EARS2: variants seen among roughly 807,000 people sequenced by gnomAD.
EARS2 encodes nondiscriminating glutamyl-tRNA synthetase EARS2, mitochondrial.
Under a neutral mutation model 54.1 loss-of-function variants are expected in EARS2, and 50 were observed. That is an observed-to-expected ratio of 0.92 (90% CI 0.74 to 1.17). The LOEUF (loss-of-function observed/expected upper bound fraction) is 1.17, where lower values mean the gene tolerates loss of function less well. Among genes scored for constraint, EARS2 ranks in the 50% most tolerant of loss-of-function variants. The probability of loss-of-function intolerance (pLI) is 0.00; values close to 1 mark genes in which losing one functional copy is unlikely to be tolerated. For synonymous variants in EARS2, 298 were observed against 281.0 expected (o/e 1.06, Z -0.61); for missense variants, 673 against 675.0 (o/e 1.00, Z 0.03).
chr16:23,530,054 G>C (rs919950185), intron 5 of EARS2, 157 bp from the exon 6 acceptor site: 4 of 919,416 alleles, frequency 4.4e-6, no homozygotes, highest in Admixed American at 2.9e-5. Flanking sequence ...TTTATAAAAA[G>C]AAAGGGATGT....
intron 2 of EARS2, 89 bp downstream of exon 2, chr16:23,552,060 C>T: frequency 2.0e-6 from 3 of 1,495,774 alleles, no homozygotes; most frequent in South Asian, 2.5e-5. Flanking sequence ...CCCCATTTTC[C>T]ACTCAGAACT....
Position 23,529,510 on chromosome 16 carries a change from A to G in EARS2, c.1344T>C (p.Arg448=). The G allele has an allele frequency of 1.2e-6, 2 of 1,613,916 alleles. No homozygotes were observed. Among genetic ancestry groups the G allele is most frequent in the South Asian group, 1.1e-5 (1 of 91,022 alleles). The change falls in exon 7 of 9, where the codon CGT becomes CGC. Residue 448 remains arginine (R), a synonymous_variant. Transcript: ENST00000449606. ...AGCCTGCGGGTACTCACCCCAGCAC[A>G]CGCTTGGCAATCACATCCACCTTCT... is the stretch of plus-strand genomic sequence containing the variant. ...ISEKVDVIAK[R]VLGLLERSSM...
intron 7 of EARS2, among the ~76,000 whole-genome samples, chr16:23,527,550 C>CTTTT (rs33925429): frequency 5.9e-5 from 5 of 84,478 alleles, no homozygotes; most frequent in Admixed American, 1.4e-4. Flanking sequence ...AGTGATCGTT[C>CTTTT]TTTTTTTTTT....
At chr16:23,542,476 C>G (rs770651343) in intron 3 of EARS2, among the ~76,000 whole-genome samples, 3 of 150,856 alleles carry the variant, frequency 2.0e-5, no homozygotes, top group African/African-American at 2.4e-5. Context: ...CCACCACGCC[C>G]AGCTAATTTT....
chr16:23,541,981 C>G (rs1261066356), intron 3 of EARS2, among the ~76,000 whole-genome samples: 1 of 152,078 alleles, frequency 6.6e-6, no homozygotes, highest in Non-Finnish European at 1.5e-5. Context: ...GCCTCAGCCT[C>G]CCAAGTAGCT....
intron 7 of EARS2, among the ~76,000 whole-genome samples, chr16:23,526,024 T>C (rs1188653990): frequency 6.7e-6 from 1 of 150,232 alleles, no homozygotes; most frequent in Non-Finnish European, 1.5e-5. Flanking sequence ...AATAATAGTA[T>C]CTGTCCTGCA....
chr16:23,549,310 C>T (rs1016672365), intron 2 of EARS2, among the ~76,000 whole-genome samples: 1 of 152,126 alleles, frequency 6.6e-6, no homozygotes, highest in Admixed American at 6.6e-5. Context: ...TAGATGCCAG[C>T]ACCCAACACA....
chr16:23,539,266 A>T (rs1042602878), intron 3 of EARS2, among the ~76,000 whole-genome samples: 3 of 152,170 alleles, frequency 2.0e-5, no homozygotes, highest in Admixed American at 6.5e-5. Flanking sequence ...CAGATCTTTT[A>T]GTTTCAACTA....
At chr16:23,542,985 T>C (rs1965540283) in intron 3 of EARS2, among the ~76,000 whole-genome samples, 1 of 150,820 alleles carries the variant, frequency 6.6e-6, no homozygotes, top group Non-Finnish European at 1.5e-5. Flanking sequence ...TGTGGTGGCA[T>C]GTGCCTGTAG....
chr16:23,535,973 T>C (rs1965411160), intron 3 of EARS2, among the ~76,000 whole-genome samples: 1 of 152,206 alleles, frequency 6.6e-6, no homozygotes, highest in East Asian at 1.9e-4. Context: ...TCTACACTGC[T>C]AGTCTCATCC....
At chr16:23,556,117 G>A (rs189816108) in intron 1 of EARS2, among the ~76,000 whole-genome samples, 95 of 152,312 alleles carry the variant, frequency 6.2e-4, no homozygotes, top group African/African-American at 2.2e-3. Flanking sequence ...GAAAGATCCT[G>A]TCATGTATAG....
In EARS2 at chr16:23,532,551, G is replaced by A. The variant is rs138657879; in HGVS notation, c.1067+106C>T. On this transcript the variant is annotated intron_variant, in intron 5 of 8. Transcript: ENST00000449606. ...CAAAGAGGCTAGGTGATTTAGCCATGGTCACACAGAATTAGGTACCAGAGC... is the reference window on the plus strand; with the variant it reads ...CAAAGAGGCTAGGTGATTTAGCCATAGTCACACAGAATTAGGTACCAGAGC... The A allele has an allele frequency of 3.0e-4, 212 of 705,678 alleles. 2 individuals are homozygous for A. Among genetic ancestry groups the A allele is most frequent in the Middle Eastern group, 1.7e-3 (7 of 4,032 alleles). 43.7% of individuals were successfully genotyped at this position (705,678 alleles called of 1,614,324 possible).
intron 7 of EARS2, among the ~76,000 whole-genome samples, chr16:23,529,079 T>C (rs1237384381): frequency 6.6e-6 from 1 of 152,200 alleles, no homozygotes; most frequent in Non-Finnish European, 1.5e-5. Context: ...TACAGTTACA[T>C]AAGCAATTAT....
chr16:23,543,421 A>G (rs967969392), intron 3 of EARS2, among the ~76,000 whole-genome samples: 1 of 150,422 alleles, frequency 6.6e-6, no homozygotes, highest in Non-Finnish European at 1.5e-5. Context: ...CTATGAAAAA[A>G]AACAACAACA....
At chr16:23,543,020 C>A (rs757637442) in intron 3 of EARS2, among the ~76,000 whole-genome samples, 52 of 148,210 alleles carry the variant, frequency 3.5e-4, no homozygotes, top group Admixed American at 6.3e-4. Flanking sequence ...GAGGCTGAGG[C>A]ACGAGAATCC....
At chr16:23,555,684 T>G (rs896288274) in intron 1 of EARS2, among the ~76,000 whole-genome samples, 14 of 152,154 alleles carry the variant, frequency 9.2e-5, no homozygotes, top group Admixed American at 9.2e-4. Flanking sequence ...GAGTAAAGGT[T>G]TAGAAACTTT....
At chr16:23,533,269 G>A (rs1965356418) in intron 4 of EARS2, among the ~76,000 whole-genome samples, 1 of 152,152 alleles carries the variant, frequency 6.6e-6, no homozygotes, top group African/African-American at 2.4e-5. Context: ...GGGCAACAGA[G>A]CGAGACTCTA....
At chr16:23,541,077 G>A (rs1209813287) in intron 3 of EARS2, among the ~76,000 whole-genome samples, 2 of 152,092 alleles carry the variant, frequency 1.3e-5, no homozygotes, top group East Asian at 1.9e-4. Flanking sequence ...CACTTTGGGA[G>A]GCCACTTGAG....
At chr16:23,548,945 G>C (rs909386404) in intron 2 of EARS2, among the ~76,000 whole-genome samples, 8 of 151,948 alleles carry the variant, frequency 5.3e-5, no homozygotes, top group African/African-American at 1.7e-4. Context: ...CCACTTTCAG[G>C]GTCCCCTCTC....
Sources: gnomAD v4.1 joint callset for allele counts (sites outside exome capture counted in the v4.1 genomes callset) on GRCh38, gnomAD v4.1.1 for gene constraint, MANE v1.5 for transcripts, NCBI Gene and HGNC (gene_info 2026-07-23, HGNC 2026-07-21) for gene names.